The following PLK1 variants were observed in gnomAD, a reference collection of about 807,000 sequenced individuals.
PLK1 encodes polo like kinase 1.
In PLK1, 6 loss-of-function variants were observed where a neutral mutation model predicts 56.7. The ratio of observed to expected loss-of-function variants is 0.11; its 90% CI spans 0.06 to 0.21. The LOEUF is 0.21. PLK1 is among the 10% of genes least tolerant of loss of function. The probability of loss-of-function intolerance (pLI) is 1.00; values close to 1 mark genes in which losing one functional copy is unlikely to be tolerated. For missense variants in PLK1, 546 were observed against 814.4 expected (o/e 0.67, Z 4.01); for synonymous variants, 298 against 325.0 (o/e 0.92, Z 0.89).
chr16:23,686,340 A>G (rs927512099), intron 5 of PLK1, among the ~76,000 whole-genome samples: 1 of 152,262 alleles, frequency 6.6e-6, no homozygotes, highest in South Asian at 2.1e-4. Flanking sequence ...TAAAAACTTA[A>G]GGAAATTTTC....
chr16:23,678,997 T>C lies in PLK1; in HGVS notation c.65T>C (p.Val22Ala). ...CCGGCCGACCCTGGGAAAGCCGGGG[T>C]CCCCGGAGTTGCAGCTCCCGGAGCT... ...RAPADPGKAG[V>A]PGVAAPGAPA... The change falls in exon 1 of 10, where the codon GTC becomes GCC. Residue 22 changes from valine to alanine, a missense_variant. Transcript: ENST00000300093. 2 of 1,603,088 alleles carry C rather than the reference T, an allele frequency of 1.2e-6. No homozygotes were observed. The highest frequency in any genetic ancestry group is 1.7e-6 in the Non-Finnish European group (2 of 1,175,470).
Position 23,687,489 on chromosome 16 carries a change from G to T in PLK1, c.1057G>T (p.Glu353Ter). 1 of 1,592,236 alleles carries T rather than the reference G, an allele frequency of 6.3e-7. No homozygotes were observed. The change falls in exon 6 of 10, where the codon GAG (glutamate) becomes TAG (stop). Residue 353 changes from glutamate to a stop codon, truncating the protein, a stop_gained. Coordinates refer to ENST00000300093, the MANE Select transcript of PLK1 (RefSeq NM_005030.6). LOFTEE classifies it high-confidence loss of function. ...LNKGLENPLP[E>*]RPREKEEPVV... ...CCTAGGCTTGGAGAACCCCCTGCCTGAGCGTCCCCGGGAAAAAGAAGAACC... is the reference window on the plus strand; with the variant it reads ...CCTAGGCTTGGAGAACCCCCTGCCTTAGCGTCCCCGGGAAAAAGAAGAACC...
intron 5 of PLK1, among the ~76,000 whole-genome samples, chr16:23,684,941 A>G (rs946715544): frequency 5.6e-5 from 7 of 125,918 alleles, no homozygotes; most frequent in Non-Finnish European, 7.9e-5. Context: ...TACAGGCGTG[A>G]ACCACCAGGC....
At chr16:23,681,200 G>A (rs1293478573) in intron 3 of PLK1, 142 bp downstream of exon 3, 2 of 754,306 alleles carry the variant, frequency 2.7e-6, no homozygotes, top group African/African-American at 3.6e-5. Flanking sequence ...CCCAAACAAA[G>A]CCTAATTGTC....
At position 23,680,894 on chromosome 16, in the gene PLK1, T is replaced by G; in HGVS notation, c.578-20T>G. The G allele has an allele frequency of 6.3e-7, 1 of 1,598,366 alleles. No individual in the cohort carries two copies. Among genetic ancestry groups the G allele is most frequent in the Non-Finnish European group, 8.5e-7 (1 of 1,174,728 alleles). On this transcript the variant is annotated intron_variant, in intron 2 of 9. Coordinates refer to ENST00000300093, the MANE Select transcript of PLK1 (RefSeq NM_005030.6). ...CAGAGGCTGGCATCTAAGTACCAAC[T>G]CTTCCTCCCTCTGTCCCAGGGGATT...
chr16:23,679,483 G>GTA (rs907692653), intron 1 of PLK1, 143 bp downstream of exon 1: 1 of 715,434 alleles, frequency 1.4e-6, no homozygotes, highest in African/African-American at 1.8e-5. Flanking sequence ...TCCCGCTTAC[G>GTA]TATGGAAAGT....
chr16:23,688,685 G>T lies in PLK1; in HGVS notation c.1210G>T (p.Ala404Ser), dbSNP rs201491344. The T allele has an allele frequency of 4.2e-5, 68 of 1,613,854 alleles. No individual in the cohort carries two copies. The highest frequency in any genetic ancestry group is 2.2e-4 in the East Asian group (10 of 44,886). ...TGTCTCAGAGGAGGCTGAGGATCCT[G>T]CCTGCATCCCCATCTTCTGGGTCAG... ...LVRQEEAEDPACIPIFWVSKW... is the reference protein window; with the variant it reads ...LVRQEEAEDPSCIPIFWVSKW... The change falls in exon 7 of 10, where the codon GCC becomes TCC. Residue 404 changes from alanine to serine, a missense_variant. By Grantham distance (99) the Ala-to-Ser change is moderately conservative. Around this residue, in one of 7 missense-constraint regions of PLK1, gnomAD observed 157 missense variants for 184.0 expected, o/e 0.85. Transcript: ENST00000300093.
chr16:23,688,651 G>C lies in PLK1; in HGVS notation c.1193-17G>C. The C allele has an allele frequency of 6.2e-7, 1 of 1,601,536 alleles. No individual in the cohort carries two copies. The highest frequency in any genetic ancestry group is 8.6e-7 in the Non-Finnish European group (1 of 1,168,424). On this transcript the variant is annotated splice_polypyrimidine_tract_variant and intron_variant, in intron 6 of 9. Coordinates refer to ENST00000300093, the MANE Select transcript of PLK1 (RefSeq NM_005030.6). ...GCTGGTCCTGACCAACTAACTGTCTGTCTGTTTCTGTCTCAGAGGAGGCTG... is the reference window on the plus strand; with the variant it reads ...GCTGGTCCTGACCAACTAACTGTCTCTCTGTTTCTGTCTCAGAGGAGGCTG...
intron 3 of PLK1, among the ~76,000 whole-genome samples, chr16:23,681,674 G>GT (rs35593575): frequency 6.6e-6 from 1 of 152,152 alleles, no homozygotes; most frequent in Non-Finnish European, 1.5e-5. Context: ...TTGCAGTGGG[G>GT]TTTTTTCAAA....
intron 3 of PLK1, among the ~76,000 whole-genome samples, chr16:23,681,637 A>G (rs1311805464): frequency 3.9e-5 from 6 of 152,208 alleles, no homozygotes; most frequent in Non-Finnish European, 8.8e-5. Flanking sequence ...GTTAGAAATG[A>G]GTTGTAGCAA....
rs544604911 is a variant in PLK1, at chr16:23,690,155, T to C, written c.*92T>C. On this transcript the variant is annotated 3_prime_UTR_variant, in exon 10 of 10. Transcript: ENST00000300093. Reference sequence around the variant, plus strand: ...GGCTCCCGCGGTGCCATGTCTGCAGTGTGCCCCCCAGCCCCGGTGGCTGGG... The same window carrying C: ...GGCTCCCGCGGTGCCATGTCTGCAGCGTGCCCCCCAGCCCCGGTGGCTGGG... 6.2e-6 allele frequency: 6 copies of C among 973,080 alleles called. No homozygotes were observed. The South Asian group carries it at 8.1e-5, about 13-fold the overall frequency. The allele number at this position is 973,080 out of a possible 1,614,324, so 60.3% of individuals were successfully genotyped here. A position where few individuals can be genotyped will look rare whatever the true frequency, so the allele number is the denominator to read the frequency against.
rs754301492 is a variant in PLK1, at chr16:23,689,201, T to G, written c.1271-37T>G. On this transcript the variant is annotated intron_variant, in intron 7 of 9. Coordinates refer to ENST00000300093, the MANE Select transcript of PLK1 (RefSeq NM_005030.6). The surrounding 1 kb of genome is among the most constrained non-coding windows in gnomAD (Gnocchi z 4.8). ...GCCCGGTCCCACTCCCCACTTTCTA[T>G]TCCCCCTTTCTGAGACCTCTCTCCA... 2.5e-6 allele frequency: 4 copies of G among 1,582,132 alleles called. No homozygotes were observed. Among genetic ancestry groups the G allele is most frequent in the South Asian group, 2.2e-5 (2 of 89,822 alleles).
At position 23,687,635 on chromosome 16, in the gene PLK1, C is replaced by T. The variant is rs773893382; in HGVS notation, c.1192+11C>T. On this transcript the variant is annotated intron_variant, in intron 6 of 9. Coordinates refer to ENST00000300093, the MANE Select transcript of PLK1 (RefSeq NM_005030.6). ...GGCTGGTCAGGCAAGGTGGGTACTG[C>T]GGGGCCCTGGGCGGGGCAGGATTGC... is the stretch of plus-strand genomic sequence containing the variant. 40 of 1,542,550 alleles carry T rather than the reference C, an allele frequency of 2.6e-5. No homozygotes were observed. The highest frequency in any genetic ancestry group is 3.7e-5 in the Admixed American group (2 of 53,934).
In PLK1 at chr16:23,684,201, C is replaced by A. The variant is rs1959388363; in HGVS notation, c.1036+112C>A. On this transcript the variant is annotated intron_variant, in intron 5 of 9. Coordinates refer to ENST00000300093, the MANE Select transcript of PLK1 (RefSeq NM_005030.6). ...GAGCTCAGGTGTGGAGTAGGACAGG[C>A]CTCTGTCCTTCAATCCGTGGTTCCA... is the stretch of plus-strand genomic sequence containing the variant. 6.5e-6 allele frequency: 5 copies of A among 766,998 alleles called. No homozygotes were observed. The Admixed American group carries it at 6.8e-5, about 10-fold the overall frequency. The allele number at this position is 766,998 out of a possible 1,614,324, so 47.5% of individuals were successfully genotyped here.
chr16:23,684,994 TTTTTTG>T, intron 5 of PLK1, among the ~76,000 whole-genome samples: 1 of 122,794 alleles, frequency 8.1e-6, no homozygotes, highest in Non-Finnish European at 1.7e-5. Flanking sequence ...TTTTTTTTTT[TTTTTTG>T]AGACAGGGTC....
intron 4 of PLK1, among the ~76,000 whole-genome samples, chr16:23,683,184 G>A (rs1959366135): frequency 6.6e-6 from 1 of 151,730 alleles, no homozygotes; most frequent in Non-Finnish European, 1.5e-5. Context: ...GGTAGAGACA[G>A]GGTTTGACCG....
chr16:23,681,914 C>A lies in PLK1; in HGVS notation c.723-150C>A, dbSNP rs116407594. 2,440 of 606,694 alleles carry A rather than the reference C, an allele frequency of 4.0e-3. 50 individuals carry two copies. The African/African-American group carries it at 0.041, about 10-fold the overall frequency. 37.6% of individuals were successfully genotyped at this position (606,694 alleles called of 1,614,324 possible). A position where few individuals can be genotyped will look rare whatever the true frequency, so the allele number is the denominator to read the frequency against. ...GCCAATGTCATGGCTTCTGGGGCTGCTCAGTGGACTTAGGGATTGTCTTCA... is the reference window on the plus strand; with the variant it reads ...GCCAATGTCATGGCTTCTGGGGCTGATCAGTGGACTTAGGGATTGTCTTCA... On this transcript the variant is annotated intron_variant, in intron 3 of 9. Coordinates refer to ENST00000300093, the MANE Select transcript of PLK1 (RefSeq NM_005030.6).
chr16:23,679,713 T>TG (rs111331656), intron 1 of PLK1: 21 of 219,124 alleles, frequency 9.6e-5, no homozygotes, highest in South Asian at 5.5e-4. Flanking sequence ...GCTGGGTCAG[T>TG]GGGGGGGTAG....
At chr16:23,685,913 C>T (rs1452771763) in intron 5 of PLK1, among the ~76,000 whole-genome samples, 3 of 151,924 alleles carry the variant, frequency 2.0e-5, no homozygotes, top group Non-Finnish European at 4.4e-5. Context: ...AATTGGAATT[C>T]TTCTGTAAGG....
Sources: gnomAD v4.1 joint callset for allele counts (sites outside exome capture counted in the v4.1 genomes callset) on GRCh38, gnomAD v4.1.1 for gene constraint, gnomAD v4.1.1 regional missense constraint, Gnocchi (gnomAD v3.1) non-coding constraint, MANE v1.5 for transcripts, NCBI Gene and HGNC (gene_info 2026-07-23, HGNC 2026-07-21) for gene names.